OPLAH: variants seen among roughly 807,000 people sequenced by gnomAD.
OPLAH encodes the protein 5-oxoprolinase.
OPLAH carries 103 observed loss-of-function variants against 122.8 expected under a neutral mutation model. That is an observed-to-expected ratio of 0.84 (90% CI 0.71 to 0.99). The LOEUF (loss-of-function observed/expected upper bound fraction) is 0.99, where lower values mean the gene tolerates loss of function less well. Ranked by LOEUF, OPLAH falls within the 50% of genes least tolerant of loss-of-function variation. The pLI is 0.00. For missense variants in OPLAH, 1,902 were observed against 1,836.5 expected (o/e 1.04, Z -0.65); for synonymous variants, 875 against 796.0 (o/e 1.10, Z -1.67).
At position 144,058,861 on chromosome 8, in the gene OPLAH, C is replaced by A. The variant is rs1554760183; in HGVS notation, c.499G>T (p.Val167Leu). The stretch of plus-strand genomic sequence containing the variant: ...TTCCCACGCAGGGCCCCCAGGTCCA[C>A]AGGCTGCTGCACTTCCAGCAGGTCC... ...TGDLLEVQQPVDLGALRGKLE... is the reference protein window; with the variant it reads ...TGDLLEVQQPLDLGALRGKLE... The change falls in exon 5 of 27, where the codon GTG becomes TTG. Residue 167 changes from valine (V) to leucine (L), a missense_variant. By Grantham distance (32) the Val-to-Leu change is conservative (BLOSUM62 1). Coordinates refer to ENST00000618853, the MANE Select transcript of OPLAH (RefSeq NM_017570.5). The A allele has an allele frequency of 3.8e-6, 6 of 1,565,666 alleles. No homozygotes were observed. Among genetic ancestry groups the A allele is most frequent in the Non-Finnish European group, 5.2e-6 (6 of 1,156,018 alleles).
upstream of OPLAH, among the ~76,000 whole-genome samples, chr8:144,062,137 T>C (rs1358586945): frequency 2.0e-5 from 3 of 152,176 alleles, no homozygotes; most frequent in Non-Finnish European, 4.4e-5. Context: ...GCACTCGCCC[T>C]GAATTCTTTC....
rs1451093453 is a variant in OPLAH at position 144,059,748 on chromosome 8, T to C, written c.214A>G (p.Ser72Gly). The stretch of plus-strand genomic sequence containing the variant: ...CCCATGCGGATGCTGGCGATATGAC[T>C]GGAGTCCAGCGGCTGGTCCCGGGGC... The part of the protein sequence containing the change: ...LLPRDQPLDS[S>G]HIASIRMGTT... The change falls in exon 3 of 27, where the codon AGT becomes GGT. Residue 72 changes from serine (S) to glycine (G), a missense_variant. Ser to Gly is a moderately conservative substitution (Grantham distance 56). Around this residue, in one of 3 missense-constraint regions of OPLAH, gnomAD observed 168 missense variants for 170.6 expected, o/e 0.98. Coordinates refer to ENST00000618853, the MANE Select transcript of OPLAH (RefSeq NM_017570.5). The C allele has an allele frequency of 8.1e-6, 13 of 1,610,196 alleles. No individual in the cohort carries two copies. Among genetic ancestry groups the C allele is most frequent in the Non-Finnish European group, 1.1e-5 (13 of 1,179,472 alleles).
chr8:144,063,332 C>T (rs1166141607), upstream of OPLAH, among the ~76,000 whole-genome samples: 1 of 152,248 alleles, frequency 6.6e-6, no homozygotes, highest in African/African-American at 2.4e-5. The surrounding 1 kb of genome is among the most constrained non-coding windows in gnomAD (Gnocchi z 4.2). Flanking sequence ...CTACTTCTCA[C>T]ACCTCCACCC....
In OPLAH at chr8:144,054,606, A is replaced by G. The variant is rs1477901091; in HGVS notation, c.2641T>C (p.Phe881Leu). The part of the protein sequence containing the change: ...STMLQQEGAV[F>L]LSFKLVQGGV... Reference sequence around the variant, plus strand: ...CCCTGGACAAGTTTGAAGGACAGAAAGACGGCACCCTCCTGTTGCAGCATG... The same window carrying G: ...CCCTGGACAAGTTTGAAGGACAGAAGGACGGCACCCTCCTGTTGCAGCATG... Residue 881 changes from phenylalanine to leucine, a missense_variant, in exon 19 of 27, where the codon TTT becomes CTT. Coordinates refer to ENST00000618853, the MANE Select transcript of OPLAH (RefSeq NM_017570.5). 2 of 1,605,660 alleles carry G rather than the reference A, an allele frequency of 1.2e-6. No homozygotes were observed. The highest frequency in any genetic ancestry group is 1.7e-6 in the Non-Finnish European group (2 of 1,174,162).
chr8:144,055,054 G>A lies in OPLAH; in HGVS notation c.2384C>T (p.Ala795Val). The A allele has an allele frequency of 6.5e-7, 1 of 1,531,126 alleles. No homozygotes were observed. The highest frequency in any genetic ancestry group is 2.3e-5 in the East Asian group (1 of 43,182). 94.8% of individuals were successfully genotyped at this position (1,531,126 alleles called of 1,614,324 possible). A position where few individuals can be genotyped will look rare whatever the true frequency, so the allele number is the denominator to read the frequency against. Residue 795 changes from alanine (A) to valine (V), a missense_variant, in exon 17 of 27, where the codon GCC (alanine) becomes GTC (valine). By Grantham distance (64) the Ala-to-Val change is moderately conservative. Transcript: ENST00000618853. This position sits in a 1 kb window ranked among gnomAD's most constrained non-coding sequence, Gnocchi z 6.5. ...CTGGAACTGCACCGTCTCCTGCATG[G>A]CACCCAGGTGCACAGGGATGTGGGG... ...NAPHIPVHLG[A>V]MQETVQFQIQ...
chr8:144,059,882 T>A lies in OPLAH; in HGVS notation c.151A>T (p.Ile51Phe), dbSNP rs1835626126. Residue 51 changes from isoleucine to phenylalanine, a missense_variant, in exon 2 of 27, where the codon ATC becomes TTC. Physicochemically the swap from Ile to Phe is conservative, Grantham distance 21. Transcript: ENST00000618853. ...CCCACCTGCTCCAGGATGCGGCGGA[T>A]GCCTTCGGTTGGCGCGTCCGCATAG... The part of the protein sequence containing the change: ...ANYADAPTEG[I>F]RRILEQEAGM... 6 of 1,612,748 alleles carry A rather than the reference T, an allele frequency of 3.7e-6. No individual in the cohort carries two copies. Among genetic ancestry groups the A allele is most frequent in the Non-Finnish European group, 5.1e-6 (6 of 1,179,812 alleles).
chr8:144,058,036 C>T lies in OPLAH; in HGVS notation c.1062G>A (p.Ala354=), dbSNP rs782061316. Residue 354 remains alanine, a synonymous_variant, in exon 8 of 27, where the codon GCG becomes GCA. Coordinates refer to ENST00000618853, the MANE Select transcript of OPLAH (RefSeq NM_017570.5). ...APQLDINTVA[A]GGGSRLFFRS... is the part of the protein sequence containing the mutation. ...TGAAGAAGAGGCGGGAACCCCCTCC[C>T]GCTGCCACGGTGTTGATGTCCAGCT... The T allele has an allele frequency of 7.4e-6, 12 of 1,612,366 alleles. No individual in the cohort carries two copies. Among genetic ancestry groups the T allele is most frequent in the African/African-American group, 2.7e-5 (2 of 74,920 alleles).
At chr8:144,050,961 G>T (rs1835358388), downstream of OPLAH, 4 of 1,049,278 alleles carry the variant, frequency 3.8e-6, no homozygotes, top group Admixed American at 1.5e-4. Context: ...GCAGGAGAAA[G>T]GGCGCCACCT....
At chr8:144,059,138 G>C (rs1307774910) in intron 3 of OPLAH, 59 bp from the exon 4 acceptor site, 6 of 1,343,110 alleles carry the variant, frequency 4.5e-6, no homozygotes, top group Non-Finnish European at 6.2e-6. Context: ...CCGGGGTCCT[G>C]TGTGAGTGGG....
rs782372119 is a variant in OPLAH at position 144,057,334 on chromosome 8, A to G, written c.1423-14T>C. 3.1e-6 allele frequency: 5 copies of G among 1,607,160 alleles called. No individual in the cohort carries two copies. In the East Asian group the frequency reaches 1.1e-4, roughly 36 times the overall value. ...ATGGCCTCTTGCCTAGGGAGACAGA[A>G]GGGGTCAGTGGGCTCTCCTACTCTA... On this transcript the variant is annotated splice_polypyrimidine_tract_variant and intron_variant, in intron 10 of 26. Transcript: ENST00000618853.
intron 4 of OPLAH, 24 bp from the exon 5 acceptor site, chr8:144,058,920 C>G: frequency 6.5e-7 from 1 of 1,550,246 alleles, no homozygotes; most frequent in Admixed American, 2.0e-5. Flanking sequence ...CCAGGAGGCC[C>G]CGTTAAAGGC....
Position 144,056,155 on chromosome 8 carries a change from G to C in OPLAH, c.2088C>G (p.Asp696Glu), listed in dbSNP as rs781927023. The stretch of plus-strand genomic sequence containing the variant: ...GCCGGACTTCAGCCCACCTGTTACT[G>C]TCGATGATGAGGCAGGGCCCATGGA... ...HKLHGPCLII[D>E]SNSTILVEPG... Residue 696 changes from aspartate (D) to glutamate (E), a missense_variant, in exon 15 of 27, where the codon GAC (aspartate) becomes GAG (glutamate). This residue lies in a region of OPLAH where 1,726 missense variants were observed against 1,642.1 expected (regional missense o/e 1.05). Transcript: ENST00000618853. The C allele has an allele frequency of 1.9e-6, 3 of 1,604,874 alleles. No individual in the cohort carries two copies. In the African/African-American group the frequency reaches 4.0e-5, roughly 21 times the overall value.
chr8:144,057,548 C>A lies in OPLAH; in HGVS notation c.1322G>T (p.Gly441Val), dbSNP rs782183249. Reference sequence around the variant, plus strand: ...GCTCAGCGGGGAGGCCGGGCAGGGCCCGTTGGTCAGGAAGCTGTTGACCTC... The same window carrying A: ...GCTCAGCGGGGAGGCCGGGCAGGGCACGTTGGTCAGGAAGCTGTTGACCTC... ...ATEVNSFLTN[G>V]PCPASPLSLE... The change falls in exon 10 of 27, where the codon GGG (glycine) becomes GTG (valine). Residue 441 changes from glycine to valine, a missense_variant. Around this residue, in one of 3 missense-constraint regions of OPLAH, gnomAD observed 1,726 missense variants for 1,642.1 expected, o/e 1.05. Coordinates refer to ENST00000618853, the MANE Select transcript of OPLAH (RefSeq NM_017570.5). 1.4e-5 allele frequency: 22 copies of A among 1,590,440 alleles called. No homozygotes were observed. The highest frequency in any genetic ancestry group is 1.9e-5 in the Non-Finnish European group (22 of 1,169,360).
Position 144,052,478 on chromosome 8 carries a change from C to T in OPLAH, c.3274G>A (p.Gly1092Arg). The T allele has an allele frequency of 6.4e-7, 1 of 1,554,862 alleles. No individual in the cohort carries two copies. Reference protein sequence around the residue: ...TSQRVVDVILGAFGACAASQG... With the variant: ...TSQRVVDVILRAFGACAASQG... ...GAGGCGGCGCAGGCCCCAAAGGCCC[C>T]CAGGATGACATCCACCACGCGCTGC... Residue 1092 changes from glycine to arginine, a missense_variant, in exon 23 of 27, where the codon GGG becomes AGG. Physicochemically the swap from Gly to Arg is moderately radical, Grantham distance 125. This residue lies in a region of OPLAH where 1,726 missense variants were observed against 1,642.1 expected (regional missense o/e 1.05). Transcript: ENST00000618853.
chr8:144,059,685 C>T lies in OPLAH; in HGVS notation c.277G>A (p.Gly93Arg). 3 of 1,612,428 alleles carry T rather than the reference C, an allele frequency of 1.9e-6. No homozygotes were observed. Among genetic ancestry groups the T allele is most frequent in the Non-Finnish European group, 2.5e-6 (3 of 1,179,822 alleles). ...VATNALLERK[G>R]ERVALLVTRG... Reference sequence around the variant, plus strand: ...GTCACCAGCAGCGCCACCCGCTCCCCCTTCCGCTCCAGCAGTGCGTTGGTG... The same window carrying T: ...GTCACCAGCAGCGCCACCCGCTCCCTCTTCCGCTCCAGCAGTGCGTTGGTG... The change falls in exon 3 of 27, where the codon GGG (glycine) becomes AGG (arginine). Residue 93 changes from glycine (G) to arginine (R), a missense_variant. Gly to Arg is a moderately radical substitution (Grantham distance 125). Around this residue, in one of 3 missense-constraint regions of OPLAH, gnomAD observed 168 missense variants for 170.6 expected, o/e 0.98. Coordinates refer to ENST00000618853, the MANE Select transcript of OPLAH (RefSeq NM_017570.5).
chr8:144,057,181 C>T (rs760882342), intron 11 of OPLAH, 27 bp downstream of exon 11: 251 of 1,605,948 alleles, frequency 1.6e-4, no homozygotes, highest in Non-Finnish European at 1.3e-4. Context: ...GATCACACCA[C>T]CTCCGTGCAC....
chr8:144,061,084 CG>C (rs1318124563), upstream of OPLAH, among the ~76,000 whole-genome samples: 4 of 152,276 alleles, frequency 2.6e-5, no homozygotes, highest in African/African-American at 9.6e-5. Flanking sequence ...CCCCAGCTCC[CG>C]GCCCCGTGGG....
intron 3 of OPLAH, 65 bp downstream of exon 3, chr8:144,059,534 A>T: frequency 1.3e-6 from 2 of 1,496,766 alleles, no homozygotes; most frequent in Non-Finnish European, 9.0e-7. Context: ...CTCTCCCCAC[A>T]GGGTCAAGGC....
In OPLAH at chr8:144,053,353, G is replaced by A; in HGVS notation, c.2727C>T (p.Asn909=). The A allele has an allele frequency of 5.0e-6, 8 of 1,612,720 alleles. No individual in the cohort carries two copies. Among genetic ancestry groups the A allele is most frequent in the Non-Finnish European group, 6.8e-6 (8 of 1,179,744 alleles). Reference sequence around the variant, plus strand: ...CGTGCAGGTTTCTGGTTCCGCTGCAGTTGGGGACCTTGCCTGGCGCCCGCA... The same window carrying A: ...CGTGCAGGTTTCTGGTTCCGCTGCAATTGGGGACCTTGCCTGGCGCCCGCA... ...EALRAPGKVP[N]CSGTRNLHDN... Residue 909 remains asparagine, a synonymous_variant, in exon 20 of 27, where the codon AAC becomes AAT. Coordinates refer to ENST00000618853, the MANE Select transcript of OPLAH (RefSeq NM_017570.5).
Sources: allele counts gnomAD v4.1 joint callset (sites outside exome capture counted in the v4.1 genomes callset), GRCh38; gene constraint gnomAD v4.1.1; regional missense constraint gnomAD v4.1.1; non-coding constraint Gnocchi (gnomAD v3.1); transcripts MANE v1.5; gene names NCBI Gene and HGNC (gene_info 2026-07-23, HGNC 2026-07-21).